Variants in FSHR observed in about 807,000 individuals in gnomAD.
FSHR encodes follicle-stimulating hormone receptor.
In FSHR, 46 loss-of-function variants were observed where a neutral mutation model predicts 52.1. The ratio of observed to expected loss-of-function variants is 0.88; its 90% CI spans 0.70 to 1.13. FSHR has a LOEUF of 1.13. Ranked by LOEUF, FSHR falls within the 50% of genes most tolerant of loss-of-function variation. The probability of loss-of-function intolerance (pLI) is 0.00; values close to 1 mark genes in which losing one functional copy is unlikely to be tolerated. For synonymous variants in FSHR, 399 were observed against 309.6 expected, an observed-to-expected ratio of 1.29 and a Z score of -3.03; for missense variants, 964 against 834.6, an observed-to-expected ratio of 1.16 and a Z score of -1.91.
At chr2:49,016,425 C>G (rs1667491420) in intron 4 of FSHR, among the ~76,000 whole-genome samples, 1 of 152,084 alleles carries the variant, frequency 6.6e-6, no homozygotes, top group South Asian at 2.1e-4. Context: ...GGATCTTGGC[C>G]TTAAGATGCT....
In FSHR at chr2:49,030,271, AGTGTGTGTGTGTGTGTGT is replaced by A. The variant is rs141079184; in HGVS notation, c.225-10129_225-10112del. On this transcript the variant is annotated intron_variant, in intron 2 of 9. Transcript: ENST00000406846. ...GAGGCTCTTTGCTAAAGGAATAGCA[AGTGTGTGTGTGTGTGTGT>A]GTGTGTGTGTGTGTGTGTGTGTGTG... is the stretch of plus-strand genomic sequence containing the variant. Among the ~76,000 whole-genome samples the A allele has an allele frequency of 6.4e-5, 9 of 140,468 alleles. No individual in the cohort carries two copies. The East Asian group carries it at 8.3e-4, about 13-fold the overall frequency. 92.2% of individuals were successfully genotyped at this position (140,468 alleles called of 152,430 possible).
chr2:49,145,594 G>A (rs1672841622), intron 1 of FSHR, among the ~76,000 whole-genome samples: 1 of 151,998 alleles, frequency 6.6e-6, no homozygotes, highest in African/African-American at 2.4e-5. Flanking sequence ...AAAGCAACAT[G>A]CAATTAGTTG....
chr2:48,983,183 A>T lies in FSHR; in HGVS notation c.525-17T>A, dbSNP rs1407233884. On this transcript the variant is annotated splice_polypyrimidine_tract_variant and intron_variant, in intron 6 of 9. Transcript: ENST00000406846. ...TTCAGCCATCTGAAATAAAAGGCCT[A>T]TTAAAAAACCAATAATGTCAGATGC... The T allele has an allele frequency of 6.2e-7, 1 of 1,611,526 alleles. No individual in the cohort carries two copies. Among genetic ancestry groups the T allele is most frequent in the Admixed American group, 1.7e-5 (1 of 60,016 alleles).
chr2:48,978,846 A>C (rs1675110457), intron 8 of FSHR, among the ~76,000 whole-genome samples: 1 of 152,156 alleles, frequency 6.6e-6, no homozygotes, highest in Admixed American at 6.5e-5. Context: ...TTCTTCCCTC[A>C]ACTACAAATT....
intron 1 of FSHR, among the ~76,000 whole-genome samples, chr2:49,091,051 C>T (rs182086704): frequency 1.1e-3 from 166 of 151,658 alleles, no homozygotes; most frequent in African/African-American, 4.0e-3. Flanking sequence ...TATTATCTCC[C>T]TATCTGTAGT....
chr2:49,043,097 T>C (rs1020819356), intron 2 of FSHR, among the ~76,000 whole-genome samples: 2 of 152,154 alleles, frequency 1.3e-5, no homozygotes, highest in Admixed American at 1.3e-4. Flanking sequence ...GAAAACACTG[T>C]TGTTTTTTCA....
At chr2:49,150,413 C>T (rs1673020460) in intron 1 of FSHR, among the ~76,000 whole-genome samples, 1 of 152,036 alleles carries the variant, frequency 6.6e-6, no homozygotes, top group African/African-American at 2.4e-5. Flanking sequence ...CACGAAAGCC[C>T]TCTGTGGTAG....
rs70946839 is a variant in FSHR at position 48,985,697 on chromosome 2, G to GTTTTTTTTTTTTTTTTTTTTT, written c.525-2552_525-2532dup. ...TTCAGTTTCAGGGGAGCAAGTACAGGTTTTTTTTTTTTTTTTTTTTTTTTT... is the reference window on the plus strand; with the variant it reads ...TTCAGTTTCAGGGGAGCAAGTACAGGTTTTTTTTTTTTTTTTTTTTTTTTTTTTTTTTTTTTTTTTTTTTTT... On this transcript the variant is annotated intron_variant, in intron 6 of 9. Transcript: ENST00000406846. 1.8e-4 allele frequency among the ~76,000 whole-genome samples: 18 copies of GTTTTTTTTTTTTTTTTTTTTT among 99,576 alleles called. 9 individuals are homozygous for GTTTTTTTTTTTTTTTTTTTTT. The highest frequency in any genetic ancestry group is 4.2e-4 in the African/African-American group (10 of 23,910). The allele number at this position is 99,576 out of a possible 152,430, so 65.3% of individuals were successfully genotyped here. A position where few individuals can be genotyped will look rare whatever the true frequency, so the allele number is the denominator to read the frequency against.
chr2:48,968,123 C>T (rs1412915279), intron 9 of FSHR, among the ~76,000 whole-genome samples: 2 of 152,294 alleles, frequency 1.3e-5, no homozygotes, highest in Admixed American at 6.5e-5. Flanking sequence ...GTTTAGATGG[C>T]CCTCTTTAAG....
intron 1 of FSHR, among the ~76,000 whole-genome samples, chr2:49,071,404 C>T (rs946572993): frequency 6.6e-6 from 1 of 151,762 alleles, no homozygotes; most frequent in African/African-American, 2.4e-5. Context: ...AAAATAACTG[C>T]CAATTTAAAA....
At chr2:49,105,715 G>A (rs893166306) in intron 1 of FSHR, among the ~76,000 whole-genome samples, 3 of 152,194 alleles carry the variant, frequency 2.0e-5, no homozygotes, top group African/African-American at 7.2e-5. Context: ...TTTGTGAGCC[G>A]TGCTCTACTG....
chr2:49,005,411 G>T (rs1188242855), intron 4 of FSHR, among the ~76,000 whole-genome samples: 2 of 152,100 alleles, frequency 1.3e-5, no homozygotes, highest in East Asian at 1.9e-4. Flanking sequence ...TGTAAATCTC[G>T]ATTGTGCCCA....
At chr2:49,098,575 G>C (rs1452955612) in intron 1 of FSHR, among the ~76,000 whole-genome samples, 1 of 151,678 alleles carries the variant, frequency 6.6e-6, no homozygotes, top group Non-Finnish European at 1.5e-5. Context: ...CCAGATTTTG[G>C]AGAATCTCTA....
At chr2:48,990,356 A>G (rs942297340) in intron 5 of FSHR, among the ~76,000 whole-genome samples, 1 of 152,146 alleles carries the variant, frequency 6.6e-6, no homozygotes, top group African/African-American at 2.4e-5. Flanking sequence ...CAATACTCTT[A>G]TTGAAGGGTC....
chr2:49,064,473 C>A (rs1303905125), intron 2 of FSHR, among the ~76,000 whole-genome samples: 1 of 152,088 alleles, frequency 6.6e-6, no homozygotes. Context: ...CCACCTTCCA[C>A]CATGTGAGGA....
Position 48,963,912 on chromosome 2 carries a change from A to G in FSHR, c.909T>C (p.Tyr303=). The G allele has an allele frequency of 6.8e-6, 11 of 1,614,066 alleles. No homozygotes were observed. Among genetic ancestry groups the G allele is most frequent in the Non-Finnish European group, 9.3e-6 (11 of 1,179,952 alleles). Residue 303 remains tyrosine, a synonymous_variant, in exon 10 of 10, where the codon TAT becomes TAC. Transcript: ENST00000406846. The part of the protein sequence containing the change: ...NKSILRQEVD[Y]MTQARGQRSS... ...ATCTCTGACCCCTAGCCTGAGTCAT[A>G]TAATCAACTTCTTGCCTTAAAATAG...
At chr2:48,997,344 C>A in intron 4 of FSHR, 1 of 985,126 alleles carries the variant, frequency 1.0e-6, no homozygotes, top group Non-Finnish European at 1.2e-6. Context: ...CCATGGAAAC[C>A]AAACTCCTTA....
chr2:49,124,149 C>A (rs533590261), intron 1 of FSHR, among the ~76,000 whole-genome samples: 2 of 135,920 alleles, frequency 1.5e-5, no homozygotes, highest in Admixed American at 1.6e-4. Flanking sequence ...CCCACCACCA[C>A]GTCCGGCTAA....
intron 2 of FSHR, among the ~76,000 whole-genome samples, chr2:49,064,904 A>C (rs1359693382): frequency 6.6e-6 from 1 of 152,132 alleles, no homozygotes; most frequent in African/African-American, 2.4e-5. Flanking sequence ...CTGGTCCCTG[A>C]ATGGGAAGCA....
Sources: gnomAD v4.1 joint callset for allele counts (sites outside exome capture counted in the v4.1 genomes callset) on GRCh38, gnomAD v4.1.1 for gene constraint, MANE v1.5 for transcripts, NCBI Gene and HGNC (gene_info 2026-07-23, HGNC 2026-07-21) for gene names.